MFHAS1: variants seen among roughly 807,000 people sequenced by gnomAD.
The protein encoded by MFHAS1 is multifunctional ROCO family signaling regulator 1.
Under a neutral mutation model 70.4 loss-of-function variants are expected in MFHAS1, and 50 were observed. The ratio of observed to expected loss-of-function variants is 0.71; its 90% CI spans 0.57 to 0.90. MFHAS1 has a LOEUF of 0.90. Among genes scored for constraint, MFHAS1 ranks in the 40% least tolerant of loss-of-function variants. MFHAS1 has a pLI of 0.00. For synonymous variants in MFHAS1, 952 were observed against 620.0 expected, an observed-to-expected ratio of 1.54 and a Z score of -7.96; for missense variants, 1,795 against 1,347.6, an observed-to-expected ratio of 1.33 and a Z score of -5.20.
chr8:8,801,949 A>C (rs1229775548), intron 1 of MFHAS1, among the ~76,000 whole-genome samples: 2 of 152,214 alleles, frequency 1.3e-5, no homozygotes, highest in Non-Finnish European at 2.9e-5. Flanking sequence ...GAACACTTAG[A>C]CGAAGGACCC....
At chr8:8,800,739 C>T (rs1806057088) in intron 1 of MFHAS1, among the ~76,000 whole-genome samples, 1 of 152,210 alleles carries the variant, frequency 6.6e-6, no homozygotes, top group South Asian at 2.1e-4. Flanking sequence ...TGAAAACTCT[C>T]TCCTGGTTGG....
intron 1 of MFHAS1, among the ~76,000 whole-genome samples, chr8:8,824,945 G>T (rs1807101300): frequency 6.6e-6 from 1 of 152,222 alleles, no homozygotes; most frequent in Non-Finnish European, 1.5e-5. Flanking sequence ...TCTGCCCCCA[G>T]GCCACGTTTA....
intron 2 of MFHAS1, among the ~76,000 whole-genome samples, chr8:8,791,674 A>T (rs555660493): frequency 1.0e-3 from 154 of 152,334 alleles, no homozygotes; most frequent in African/African-American, 3.6e-3. Context: ...AAAAGCTTTA[A>T]AAGATAATGC....
intron 1 of MFHAS1, among the ~76,000 whole-genome samples, chr8:8,801,803 A>G (rs1166857648): frequency 6.6e-6 from 1 of 152,198 alleles, no homozygotes; most frequent in East Asian, 1.9e-4. Flanking sequence ...CAGTGTCCAC[A>G]GGGGAGGCCA....
At chr8:8,888,992 TA>T (rs1347611921) in intron 1 of MFHAS1, among the ~76,000 whole-genome samples, 2 of 83,576 alleles carry the variant, frequency 2.4e-5, no homozygotes, top group Non-Finnish European at 4.6e-5. Context: ...AGTTTTGCTA[TA>T]AACTTAAAAC....
Position 8,890,906 on chromosome 8 carries a change from T to C in MFHAS1, c.2153A>G (p.Asp718Gly), listed in dbSNP as rs374704292. Residue 718 changes from aspartate (D) to glycine (G), a missense_variant, in exon 1 of 3, where the codon GAC becomes GGC. Asp to Gly is a moderately conservative substitution (Grantham distance 94). Coordinates refer to ENST00000276282, the MANE Select transcript of MFHAS1 (RefSeq NM_004225.3). ...GACGTGCTCCTTGAGAGCCGGACTGTCCTCAAAGTAGAGTAGCTTGCCGCT... is the reference window on the plus strand; with the variant it reads ...GACGTGCTCCTTGAGAGCCGGACTGCCCTCAAAGTAGAGTAGCTTGCCGCT... ...HESGKLLYFEDSPALKEHVFH... is the reference protein window; with the variant it reads ...HESGKLLYFEGSPALKEHVFH... 6.2e-7 allele frequency: 1 copy of C among 1,613,988 alleles called. No homozygotes were observed. Among genetic ancestry groups the C allele is most frequent in the Non-Finnish European group, 8.5e-7 (1 of 1,180,040 alleles).
intron 2 of MFHAS1, among the ~76,000 whole-genome samples, chr8:8,789,530 T>G (rs1197476635): frequency 6.6e-6 from 1 of 152,088 alleles, no homozygotes; most frequent in Non-Finnish European, 1.5e-5. Flanking sequence ...AATCTGCCCT[T>G]CCAGGATGCA....
chr8:8,892,954 G>C lies in MFHAS1; in HGVS notation c.105C>G (p.Thr35=), dbSNP rs1428998239. ...CGGCCCCGGGGCAGGCCCCGGCGGC[G>C]GTAAGCGTGAGCTGGCGCAGGTTGC... ...LRSNLRQLTL[T]AAGACPGAGA... The change falls in exon 1 of 3, where the codon ACC becomes ACG. Residue 35 remains threonine (T), a synonymous_variant. Coordinates refer to ENST00000276282, the MANE Select transcript of MFHAS1 (RefSeq NM_004225.3). This position sits in a 1 kb window ranked among gnomAD's most constrained non-coding sequence, Gnocchi z 4.7. The C allele has an allele frequency of 1.3e-6, 2 of 1,546,110 alleles. No homozygotes were observed. The highest frequency in any genetic ancestry group is 8.7e-7 in the Non-Finnish European group (1 of 1,148,600).
chr8:8,832,543 C>T (rs1011580050), intron 1 of MFHAS1, among the ~76,000 whole-genome samples: 3 of 151,070 alleles, frequency 2.0e-5, no homozygotes, highest in South Asian at 4.2e-4. Flanking sequence ...CGAAGATACA[C>T]AACATAACCA....
rs1182662923 is a variant in MFHAS1 at position 8,893,059 on chromosome 8, G to C, written c.-1C>G. On this transcript the variant is annotated 5_prime_UTR_variant, in exon 1 of 3. Coordinates refer to ENST00000276282, the MANE Select transcript of MFHAS1 (RefSeq NM_004225.3). ...GGTTGCCACTGTCCATCCCAGCCAT[G>C]GCGGGGCCCCGGGCCGACAGCCTCA... 4.7e-6 allele frequency: 7 copies of C among 1,491,502 alleles called. No homozygotes were observed. The allele number at this position is 1,491,502 out of a possible 1,614,324, so 92.4% of individuals were successfully genotyped here. A position where few individuals can be genotyped will look rare whatever the true frequency, so the allele number is the denominator to read the frequency against.
intron 1 of MFHAS1, among the ~76,000 whole-genome samples, chr8:8,864,627 T>A (rs1808790172): frequency 6.6e-6 from 1 of 152,204 alleles, no homozygotes; most frequent in Non-Finnish European, 1.5e-5. Context: ...GAGCATAAAA[T>A]TAGCTACTCT....
chr8:8,849,148 T>C (rs1808148175), intron 1 of MFHAS1, among the ~76,000 whole-genome samples: 1 of 135,618 alleles, frequency 7.4e-6, no homozygotes, highest in East Asian at 2.4e-4. Context: ...TGGCACGATC[T>C]CAGCTCACTG....
At chr8:8,824,157 GAGA>G (rs1196124665) in intron 1 of MFHAS1, among the ~76,000 whole-genome samples, 1 of 151,628 alleles carries the variant, frequency 6.6e-6, no homozygotes, top group Non-Finnish European at 1.5e-5. Context: ...ATGCTCCCTT[GAGA>G]AGAAGCCAGT....
rs1806994582 is a variant in MFHAS1, at chr8:8,822,464, G to C, written c.2999-24973C>G. On this transcript the variant is annotated intron_variant, in intron 1 of 2. Transcript: ENST00000276282. ...GAGATGGGGACAGGGACCAAGTCAG[G>C]GGGGATTGAGATGGAGACAGGGACC... 1.3e-5 allele frequency among the ~76,000 whole-genome samples: 2 copies of C among 150,244 alleles called. 1 individual carries two copies. Among genetic ancestry groups the C allele is most frequent in the Non-Finnish European group, 3.0e-5 (2 of 67,512 alleles).
chr8:8,799,812 G>T (rs1174468656), intron 1 of MFHAS1, among the ~76,000 whole-genome samples: 1 of 152,184 alleles, frequency 6.6e-6, no homozygotes, highest in Non-Finnish European at 1.5e-5. Flanking sequence ...CCCCGCAAAG[G>T]CCACACTGAT....
chr8:8,809,079 T>C (rs1159732736), intron 1 of MFHAS1, among the ~76,000 whole-genome samples: 2 of 152,130 alleles, frequency 1.3e-5, no homozygotes, highest in Non-Finnish European at 1.5e-5. Context: ...GTGAGGGATC[T>C]AGGTTGCGCG....
At chr8:8,882,519 G>A (rs1247534188) in intron 1 of MFHAS1, among the ~76,000 whole-genome samples, 1 of 152,254 alleles carries the variant, frequency 6.6e-6, no homozygotes, top group South Asian at 2.1e-4. Context: ...GGCTGAGGCA[G>A]AAGAATCACT....
At chr8:8,884,258 T>C (rs1809663450) in intron 1 of MFHAS1, among the ~76,000 whole-genome samples, 1 of 152,134 alleles carries the variant, frequency 6.6e-6, no homozygotes, top group Non-Finnish European at 1.5e-5. Context: ...CAGTATTTGT[T>C]TATCCTAGTG....
intron 1 of MFHAS1, among the ~76,000 whole-genome samples, chr8:8,827,434 T>G (rs904284032): frequency 1.3e-5 from 2 of 152,242 alleles, no homozygotes; most frequent in East Asian, 1.9e-4. Flanking sequence ...GTGGGTATTA[T>G]CAGACTTAGC....
Sources: allele counts gnomAD v4.1 joint callset (sites outside exome capture counted in the v4.1 genomes callset), GRCh38; gene constraint gnomAD v4.1.1; non-coding constraint Gnocchi (gnomAD v3.1); transcripts MANE v1.5; gene names NCBI Gene and HGNC (gene_info 2026-07-23, HGNC 2026-07-21).